The following CDK14 variants were observed in gnomAD, a reference collection of about 807,000 sequenced individuals.
CDK14 encodes the protein cyclin-dependent kinase 14.
In CDK14, 34 loss-of-function variants were observed where a neutral mutation model predicts 60.7. The observed-to-expected ratio is 0.56, with a 90% CI of 0.43 to 0.75. CDK14 has a LOEUF of 0.75. Among genes scored for constraint, CDK14 ranks in the 30% least tolerant of loss-of-function variants. CDK14 has a pLI of 0.00. For synonymous variants in CDK14, 197 were observed against 203.7 expected, an observed-to-expected ratio of 0.97 and a Z score of 0.28; for missense variants, 482 against 564.1, an observed-to-expected ratio of 0.85 and a Z score of 1.47.
rs559123574 is a variant in CDK14, at chr7:90,838,800, A to G, written c.545-24375A>G. Among the ~76,000 whole-genome samples the G allele has an allele frequency of 5.9e-5, 9 of 152,296 alleles. No individual in the cohort carries two copies. The South Asian group carries it at 1.9e-3, about 32-fold the overall frequency. On this transcript the variant is annotated intron_variant, in intron 5 of 14. Transcript: ENST00000380050. ...CCTGTTTCCTGTTAAGATGTTTATC[A>G]AGACAATGCGTGCCCAGCGGAACAT... is the stretch of plus-strand genomic sequence containing the variant.
intron 7 of CDK14, among the ~76,000 whole-genome samples, chr7:90,915,149 G>A (rs567304549): frequency 2.0e-5 from 3 of 152,052 alleles, no homozygotes; most frequent in Non-Finnish European, 2.9e-5. Flanking sequence ...TTTTCTGGCC[G>A]AGTAGAGGCA....
chr7:90,695,984 T>C (rs775240722), intron 2 of CDK14, among the ~76,000 whole-genome samples: 3 of 152,154 alleles, frequency 2.0e-5, no homozygotes, highest in Non-Finnish European at 2.9e-5. Flanking sequence ...TTGTGTAGAA[T>C]GTAGACTGCA....
chr7:91,124,347 A>C (rs779134273), intron 14 of CDK14, among the ~76,000 whole-genome samples: 2 of 152,200 alleles, frequency 1.3e-5, no homozygotes, highest in African/African-American at 4.8e-5. Flanking sequence ...CTCCGCCATC[A>C]CATACAAATT....
intron 14 of CDK14, among the ~76,000 whole-genome samples, chr7:91,187,858 T>C (rs1802238075): frequency 6.6e-6 from 1 of 152,120 alleles, no homozygotes. Context: ...ATTATGCAAA[T>C]GGAGTCTTTG....
At chr7:90,888,547 C>G (rs1232442735) in intron 6 of CDK14, among the ~76,000 whole-genome samples, 1 of 152,178 alleles carries the variant, frequency 6.6e-6, no homozygotes, top group Non-Finnish European at 1.5e-5. Flanking sequence ...TATCTGTTCT[C>G]TCTTCCGTTA....
Position 91,176,485 on chromosome 7 carries a change from C to CA in CDK14, c.*29-30673dup, listed in dbSNP as rs990585287. Among the ~76,000 whole-genome samples, 6 of 151,478 alleles carry CA rather than the reference C, an allele frequency of 4.0e-5. 1 individual carries two copies. The highest frequency in any genetic ancestry group is 9.7e-5 in the African/African-American group (4 of 41,312). On this transcript the variant is annotated intron_variant, in intron 14 of 14. Transcript: ENST00000380050. ...GAGCAGAACTGAAGGAAATAGAGAC[C>CA]AAAAAAACCCTTCAAAAAATTAATG...
chr7:90,596,777 G>A (rs973156498), intron 1 of CDK14, 59 bp downstream of exon 1: 2 of 1,411,480 alleles, frequency 1.4e-6, no homozygotes, highest in Admixed American at 1.8e-5. Context: ...CTGCGCCCCC[G>A]CCGCGTTCCT....
chr7:90,671,892 C>T (rs1288786065), intron 2 of CDK14, among the ~76,000 whole-genome samples: 1 of 152,140 alleles, frequency 6.6e-6, no homozygotes, highest in Non-Finnish European at 1.5e-5. Flanking sequence ...TTAAAAAAGA[C>T]AATCGTGTTT....
At chr7:91,001,155 G>GA (rs1795823258) in intron 10 of CDK14, among the ~76,000 whole-genome samples, 1 of 152,056 alleles carries the variant, frequency 6.6e-6, no homozygotes. Flanking sequence ...ATCTGTTTAT[G>GA]AAAAAATGTT....
intron 14 of CDK14, among the ~76,000 whole-genome samples, chr7:91,174,644 G>C (rs1801661408): frequency 7.6e-6 from 1 of 131,184 alleles, no homozygotes; most frequent in Admixed American, 8.6e-5. Flanking sequence ...CAAGGCTCGA[G>C]AACTACGTGA....
chr7:90,913,236 T>C (rs1472404484), intron 7 of CDK14, among the ~76,000 whole-genome samples: 2 of 152,218 alleles, frequency 1.3e-5, no homozygotes. Flanking sequence ...AAGAACTCGC[T>C]AAAGCTTGAG....
At position 90,669,588 on chromosome 7, in the gene CDK14, CG is replaced by C. The variant is rs1801058694; in HGVS notation, c.124-56978del. Among the ~76,000 whole-genome samples, 3 of 152,096 alleles carry C rather than the reference CG, an allele frequency of 2.0e-5. No individual in the cohort carries two copies. In the East Asian group the frequency reaches 5.8e-4, roughly 29 times the overall value. On this transcript the variant is annotated intron_variant, in intron 2 of 14. Coordinates refer to ENST00000380050, the MANE Select transcript of CDK14 (RefSeq NM_001287135.2). Reference sequence around the variant, plus strand: ...TATTTATAGAACCAACATGAAGAAACGTGAGCCAAGAGATGGAGAGAGACAG... The same window carrying C: ...TATTTATAGAACCAACATGAAGAAACTGAGCCAAGAGATGGAGAGAGACAG...
At chr7:90,970,024 T>C (rs758570275) in intron 9 of CDK14, among the ~76,000 whole-genome samples, 2 of 151,012 alleles carry the variant, frequency 1.3e-5, no homozygotes, top group Non-Finnish European at 2.9e-5. Flanking sequence ...TGGAGTGCAG[T>C]GGCACAATCT....
At chr7:90,830,607 C>CT (rs1295381799) in intron 5 of CDK14, among the ~76,000 whole-genome samples, 2 of 152,172 alleles carry the variant, frequency 1.3e-5, no homozygotes, top group Admixed American at 1.3e-4. Flanking sequence ...GCTTGAATAT[C>CT]TCCCCAGAAA....
At chr7:91,019,147 T>G (rs1204608649) in intron 10 of CDK14, among the ~76,000 whole-genome samples, 1 of 152,174 alleles carries the variant, frequency 6.6e-6, no homozygotes, top group Non-Finnish European at 1.5e-5. Flanking sequence ...TATAGTAAAC[T>G]CCAATAAATA....
intron 12 of CDK14, among the ~76,000 whole-genome samples, chr7:91,080,704 A>G (rs768147893): frequency 6.6e-6 from 1 of 152,208 alleles, no homozygotes; most frequent in South Asian, 2.1e-4. Flanking sequence ...CATTCCTCTC[A>G]TAGGAATAAG....
intron 14 of CDK14, among the ~76,000 whole-genome samples, chr7:91,200,029 C>T (rs538406288): frequency 6.6e-6 from 1 of 152,160 alleles, no homozygotes; most frequent in Non-Finnish European, 1.5e-5. Flanking sequence ...CCTCCAACTC[C>T]TACCCCCTTC....
intron 14 of CDK14, among the ~76,000 whole-genome samples, chr7:91,143,673 ACTGTGTTCCAGC>A (rs6150229): frequency 0.91 from 138,585 of 152,058 alleles, 63,228 homozygotes; most frequent in Non-Finnish European, 0.93. Context: ...AGATCATGCT[ACTGTGTTCCAGC>A]CTGTGTTACA....
intron 10 of CDK14, among the ~76,000 whole-genome samples, chr7:91,043,709 CTATCTATT>C (rs1797154329): frequency 6.7e-6 from 1 of 149,718 alleles, no homozygotes; most frequent in South Asian, 2.1e-4. Flanking sequence ...TTGTGTAGAT[CTATCTATT>C]GATGTTAGTA....
Sources: allele counts gnomAD v4.1 joint callset (sites outside exome capture counted in the v4.1 genomes callset), GRCh38; gene constraint gnomAD v4.1.1; transcripts MANE v1.5; gene names NCBI Gene and HGNC (gene_info 2026-07-23, HGNC 2026-07-21).